Variants in CPE observed in about 807,000 individuals in gnomAD.
The protein encoded by CPE is carbocypeptidase E.
Under a neutral mutation model 53.5 loss-of-function variants are expected in CPE, and 17 were observed. That is an observed-to-expected ratio of 0.32 (90% confidence interval 0.22 to 0.48). The LOEUF (loss-of-function observed/expected upper bound fraction) is 0.48. CPE is among the 20% of genes least tolerant of loss of function. The pLI is 0.99. For missense variants in CPE, 524 were observed against 614.7 expected (o/e 0.85, Z 1.56); for synonymous variants, 226 against 228.8 (o/e 0.99, Z 0.11).
chr4:165,470,423 C>CCCT lies in CPE; in HGVS notation c.672+2569_672+2571dup, dbSNP rs1732184613. Among the ~76,000 whole-genome samples, 3 of 152,072 alleles carry CCCT rather than the reference C, an allele frequency of 2.0e-5. 1 individual carries two copies. On this transcript the variant is annotated intron_variant, in intron 3 of 8. Coordinates refer to ENST00000402744, the MANE Select transcript of CPE (RefSeq NM_001873.4). ...ATGCATGCTCTCTTGAGTTGTTCTT[C>CCCT]CCTTACCAGTTGAGTGTTCCTACTA... is the stretch of plus-strand genomic sequence containing the variant.
At chr4:165,451,138 G>A (rs1416710424) in intron 1 of CPE, among the ~76,000 whole-genome samples, 1 of 152,176 alleles carries the variant, frequency 6.6e-6, no homozygotes, top group Non-Finnish European at 1.5e-5. Flanking sequence ...ATCTTCCGTT[G>A]CTTCACGTGA....
At chr4:165,472,264 C>G (rs1009606779) in intron 3 of CPE, among the ~76,000 whole-genome samples, 1 of 152,164 alleles carries the variant, frequency 6.6e-6, no homozygotes, top group Non-Finnish European at 1.5e-5. Flanking sequence ...TCTAATGTTA[C>G]AATCTTTAAA....
chr4:165,406,337 G>T, intron 1 of CPE: 1 of 532,118 alleles, frequency 1.9e-6, no homozygotes, highest in South Asian at 1.6e-5. Context: ...CAATCGCCCG[G>T]TAGACCACCA....
At chr4:165,484,356 T>C (rs994547671) in intron 4 of CPE, 66 bp from the exon 5 acceptor site, 1 of 1,455,616 alleles carries the variant, frequency 6.9e-7, no homozygotes, top group East Asian at 2.3e-5. Flanking sequence ...TGAATCACTC[T>C]TTAGAAAACA....
chr4:165,496,353 C>T (rs1025796628), intron 8 of CPE, among the ~76,000 whole-genome samples: 3 of 152,124 alleles, frequency 2.0e-5, no homozygotes, highest in Non-Finnish European at 4.4e-5. Context: ...AACAAAATAT[C>T]TTGAGTTTTT....
intron 1 of CPE, among the ~76,000 whole-genome samples, chr4:165,424,829 C>T (rs574756123): frequency 6.6e-5 from 10 of 151,434 alleles, no homozygotes; most frequent in East Asian, 5.9e-4. Context: ...CCACCGCGCC[C>T]GGCCCATGTT....
At chr4:165,395,392 T>C (rs1730746329) in intron 1 of CPE, among the ~76,000 whole-genome samples, 3 of 152,158 alleles carry the variant, frequency 2.0e-5, no homozygotes, top group African/African-American at 7.2e-5. Context: ...GTCCAGAGCC[T>C]AGTCAAGTAA....
At chr4:165,482,098 AT>A in intron 3 of CPE, 143 bp from the exon 4 acceptor site, 2 of 426,596 alleles carry the variant, frequency 4.7e-6, no homozygotes, top group East Asian at 3.5e-5. Flanking sequence ...AGGAACCTTT[AT>A]TTTTTCTGTG....
intron 1 of CPE, among the ~76,000 whole-genome samples, chr4:165,461,683 ACT>A (rs1019522488): frequency 6.6e-6 from 1 of 151,948 alleles, no homozygotes; most frequent in African/African-American, 2.4e-5. Context: ...CTTCTTCCAG[ACT>A]CTACATTCCT....
chr4:165,426,156 T>C (rs1041408839), intron 1 of CPE, among the ~76,000 whole-genome samples: 4 of 152,196 alleles, frequency 2.6e-5, no homozygotes, highest in Admixed American at 6.5e-5. Flanking sequence ...AATTTTAAGC[T>C]CTATTCTTAG....
At chr4:165,475,009 A>G (rs1732270003) in intron 3 of CPE, among the ~76,000 whole-genome samples, 1 of 152,212 alleles carries the variant, frequency 6.6e-6, no homozygotes, top group African/African-American at 2.4e-5. Context: ...GATTAGAGAA[A>G]TGGAGGCTAT....
At chr4:165,404,210 C>T in intron 1 of CPE, 1 of 759,908 alleles carries the variant, frequency 1.3e-6, no homozygotes, top group South Asian at 1.4e-5. Flanking sequence ...GCAGAAAGGC[C>T]CTCCAAGACA....
intron 3 of CPE, among the ~76,000 whole-genome samples, chr4:165,479,757 C>T (rs975094164): frequency 1.3e-5 from 2 of 151,896 alleles, no homozygotes; most frequent in Admixed American, 1.3e-4. Flanking sequence ...TTTGGGAGGC[C>T]GAGGCGGGCG....
chr4:165,473,269 T>A (rs1560892602), intron 3 of CPE, among the ~76,000 whole-genome samples: 1 of 152,238 alleles, frequency 6.6e-6, no homozygotes, highest in African/African-American at 2.4e-5. Flanking sequence ...GGACAAGAAT[T>A]TACCATACAA....
intron 3 of CPE, among the ~76,000 whole-genome samples, chr4:165,475,079 T>A (rs1198334601): frequency 6.6e-6 from 1 of 152,170 alleles, no homozygotes; most frequent in Non-Finnish European, 1.5e-5. Context: ...ACGGCAACAT[T>A]TATTTGCCCT....
At chr4:165,465,668 A>G (rs375363389) in intron 2 of CPE, among the ~76,000 whole-genome samples, 8 of 152,126 alleles carry the variant, frequency 5.3e-5, no homozygotes, top group Non-Finnish European at 8.8e-5. Context: ...AGATTGTACC[A>G]TTAGTTAAAT....
intron 1 of CPE, among the ~76,000 whole-genome samples, chr4:165,460,308 T>C (rs1001301229): frequency 2.4e-4 from 37 of 152,110 alleles, no homozygotes; most frequent in African/African-American, 7.0e-4. Flanking sequence ...GCTATTTCTG[T>C]ATTAAGGATT....
intron 1 of CPE, among the ~76,000 whole-genome samples, chr4:165,446,741 G>T (rs1731724236): frequency 6.6e-6 from 1 of 152,184 alleles, no homozygotes; most frequent in Admixed American, 6.5e-5. Flanking sequence ...ACGAAGGGGG[G>T]TGTGAATTGC....
chr4:165,458,798 C>T (rs529075528), intron 1 of CPE, among the ~76,000 whole-genome samples: 24 of 152,304 alleles, frequency 1.6e-4, no homozygotes, highest in African/African-American at 5.8e-4. Flanking sequence ...CAGCCTGTCT[C>T]TTATTTCCAA....
Sources: allele counts gnomAD v4.1 joint callset (sites outside exome capture counted in the v4.1 genomes callset), GRCh38; gene constraint gnomAD v4.1.1; transcripts MANE v1.5; gene names NCBI Gene and HGNC (gene_info 2026-07-23, HGNC 2026-07-21).